XIRP2: variants seen among roughly 807,000 people sequenced by gnomAD.
XIRP2 encodes the protein xin actin binding repeat containing 2.
Under a neutral mutation model 277.0 loss-of-function variants are expected in XIRP2, and 236 were observed. The ratio of observed to expected loss-of-function variants is 0.85; its 90% CI spans 0.77 to 0.95. XIRP2 has a LOEUF of 0.95. Among genes scored for constraint, XIRP2 ranks in the 40% least tolerant of loss-of-function variants. XIRP2 has a pLI of 0.00. For missense variants in XIRP2, 4,640 were observed against 4,157.5 expected (o/e 1.12, Z -3.19); for synonymous variants, 1,490 against 1,416.5 (o/e 1.05, Z -1.17).
At chr2:167,064,092 C>T (rs1553483272) in intron 2 of XIRP2, among the ~76,000 whole-genome samples, 1 of 151,600 alleles carries the variant, frequency 6.6e-6, no homozygotes, top group Non-Finnish European at 1.5e-5. Flanking sequence ...GTATTTTTCT[C>T]CCAGCTTTAA....
At chr2:166,894,035 TTC>T (rs1156876653) in intron 1 of XIRP2, among the ~76,000 whole-genome samples, 1 of 152,152 alleles carries the variant, frequency 6.6e-6, no homozygotes, top group Admixed American at 6.6e-5. Flanking sequence ...AAGATAATTT[TTC>T]TCTGAGTGGA....
At chr2:167,199,453 A>G (rs895608706) in intron 3 of XIRP2, among the ~76,000 whole-genome samples, 1 of 152,218 alleles carries the variant, frequency 6.6e-6, no homozygotes, top group African/African-American at 2.4e-5. Flanking sequence ...ACAGTTCACT[A>G]CACATGACCC....
At chr2:167,009,819 C>T (rs1157834878) in intron 2 of XIRP2, among the ~76,000 whole-genome samples, 9 of 152,046 alleles carry the variant, frequency 5.9e-5, no homozygotes, top group South Asian at 2.1e-4. Context: ...TAGCCAGTGA[C>T]GGTGAGCATT....
At position 167,246,510 on chromosome 2, in the gene XIRP2, A is replaced by C. The variant is rs1200885796; in HGVS notation, c.5118A>C (p.Glu1706Asp). Residue 1706 changes from glutamate to aspartate, a missense_variant, in exon 9 of 11, where the codon GAA becomes GAC. Coordinates refer to ENST00000409195, the MANE Select transcript of XIRP2 (RefSeq NM_152381.6). ...ATGATGGTGACACAATTGAGCGTGA[A>C]GAAGTAATAGGTGGTGATGTCAAAC... ...HENDGDTIER[E>D]EVIGGDVKRT... 6.2e-7 allele frequency: 1 copy of C among 1,613,674 alleles called. No homozygotes were observed. The highest frequency in any genetic ancestry group is 2.2e-5 in the East Asian group (1 of 44,830).
At chr2:166,996,216 G>A (rs1687217254) in intron 2 of XIRP2, among the ~76,000 whole-genome samples, 1 of 152,180 alleles carries the variant, frequency 6.6e-6, no homozygotes, top group Non-Finnish European at 1.5e-5. Context: ...GAGTGAGTGA[G>A]TGAACTAGTA....
rs776397393 is a variant in XIRP2 at position 167,218,273 on chromosome 2, A to G, written c.831A>G (p.Gln277=). The change falls in exon 5 of 11, where the codon CAA becomes CAG. Residue 277 remains glutamine (Q), a synonymous_variant. Coordinates refer to ENST00000409195, the MANE Select transcript of XIRP2 (RefSeq NM_152381.6). The stretch of plus-strand genomic sequence containing the variant: ...CCCGTAATACCTTTGCTCAATACCA[A>G]TATCAACATCAGAACAGATCTGAGC... ...TSSRNTFAQY[Q]YQHQNRSEQE... 1.2e-6 allele frequency: 2 copies of G among 1,601,318 alleles called. No homozygotes were observed. The highest frequency in any genetic ancestry group is 2.3e-5 in the South Asian group (2 of 88,870).
At chr2:167,085,553 T>G (rs1174819989) in intron 2 of XIRP2, among the ~76,000 whole-genome samples, 1 of 152,116 alleles carries the variant, frequency 6.6e-6, no homozygotes, top group African/African-American at 2.4e-5. Flanking sequence ...TGTTAAAGTC[T>G]CCCATTATTA....
chr2:167,030,411 G>C (rs1214293026), intron 2 of XIRP2, among the ~76,000 whole-genome samples: 1 of 152,076 alleles, frequency 6.6e-6, no homozygotes, highest in Non-Finnish European at 1.5e-5. Context: ...CTGGTACACT[G>C]TGTCTTTGTT....
At chr2:167,059,412 G>T (rs1034760712) in intron 2 of XIRP2, among the ~76,000 whole-genome samples, 4 of 144,638 alleles carry the variant, frequency 2.8e-5, no homozygotes, top group African/African-American at 1.1e-4. Context: ...ACGCCTGGCT[G>T]GATTTAACTT....
At chr2:167,171,723 A>AAG (rs139991971) in intron 3 of XIRP2, among the ~76,000 whole-genome samples, 15,026 of 152,160 alleles carry the variant, frequency 0.099, 794 homozygotes, top group South Asian at 0.15. Flanking sequence ...TCAAGTGTTT[A>AAG]AGTTTTGTTA....
chr2:167,108,851 A>G (rs929609803), intron 2 of XIRP2, among the ~76,000 whole-genome samples: 8 of 151,508 alleles, frequency 5.3e-5, no homozygotes, highest in Non-Finnish European at 8.8e-5. Flanking sequence ...TTTGGTTTGA[A>G]TAAGTCTTAG....
chr2:167,179,086 G>A (rs1692935433), intron 3 of XIRP2, among the ~76,000 whole-genome samples: 1 of 151,914 alleles, frequency 6.6e-6, no homozygotes, highest in Admixed American at 6.6e-5. Context: ...ATATAATAAT[G>A]TTATATATAC....
rs78773868 is a variant in XIRP2, at chr2:166,914,646, C to A, written c.408+10756C>A. Among the ~76,000 whole-genome samples the A allele has an allele frequency of 1.5e-3, 224 of 152,076 alleles. 7 individuals are homozygous for A. In the East Asian group the frequency reaches 0.039, roughly 27 times the overall value. On this transcript the variant is annotated intron_variant, in intron 2 of 10. Transcript: ENST00000409195. ...CGTGAGCCAACACACCTGGACTAAA[C>A]GTGTGCTGTTTTAAGCCACAGTGTT...
At chr2:167,151,787 T>C (rs1370115314) in intron 3 of XIRP2, among the ~76,000 whole-genome samples, 4 of 152,116 alleles carry the variant, frequency 2.6e-5, no homozygotes, top group Non-Finnish European at 5.9e-5. Context: ...TAAACCATAA[T>C]GTGGGACTGA....
intron 2 of XIRP2, among the ~76,000 whole-genome samples, chr2:166,966,975 C>G (rs777617662): frequency 3.3e-5 from 5 of 151,902 alleles, no homozygotes; most frequent in Admixed American, 6.6e-5. Flanking sequence ...GGAACAACAT[C>G]CTCAGGAGAT....
Position 166,889,157 on chromosome 2 carries a change from T to C in XIRP2, c.-19+600T>C, listed in dbSNP as rs190504386. ...CCTGGCACAACCACCCACTAACATG[T>C]GATCTAGCAGACAAATGGAAGCTCT... On this transcript the variant is annotated intron_variant, in intron 1 of 10. Coordinates refer to ENST00000409195, the MANE Select transcript of XIRP2 (RefSeq NM_152381.6). 2.3e-3 allele frequency among the ~76,000 whole-genome samples: 351 copies of C among 152,278 alleles called. 1 individual carries two copies. The highest frequency in any genetic ancestry group is 8.3e-3 in the African/African-American group (345 of 41,550).
chr2:167,169,901 A>ATAT (rs1034917348), intron 3 of XIRP2, among the ~76,000 whole-genome samples: 1 of 152,088 alleles, frequency 6.6e-6, no homozygotes, highest in African/African-American at 2.4e-5. Flanking sequence ...ATTTTGTCTT[A>ATAT]TATTTATTTT....
intron 2 of XIRP2, among the ~76,000 whole-genome samples, chr2:167,004,121 A>G (rs565252484): frequency 1.3e-5 from 2 of 152,036 alleles, no homozygotes; most frequent in East Asian, 3.9e-4. Flanking sequence ...CTAGAATATT[A>G]TAATGAAAAC....
intron 3 of XIRP2, among the ~76,000 whole-genome samples, chr2:167,156,613 A>G (rs1013365543): frequency 1.3e-5 from 2 of 152,200 alleles, no homozygotes; most frequent in Non-Finnish European, 1.5e-5. Context: ...AATGATTACC[A>G]TTTGAGTGAA....
Sources: gnomAD v4.1 joint callset for allele counts (sites outside exome capture counted in the v4.1 genomes callset) on GRCh38, gnomAD v4.1.1 for gene constraint, MANE v1.5 for transcripts, NCBI Gene and HGNC (gene_info 2026-07-23, HGNC 2026-07-21) for gene names.